Variants in HS6ST1 observed in about 807,000 individuals in gnomAD.
HS6ST1 encodes heparan-sulfate 6-O-sulfotransferase 1.
In HS6ST1, 3 loss-of-function variants were observed where a neutral mutation model predicts 25.2. The ratio of observed to expected loss-of-function variants is 0.12; its 90% CI spans 0.05 to 0.31. The LOEUF (loss-of-function observed/expected upper bound fraction) is 0.31. HS6ST1 is among the 10% of genes least tolerant of loss of function. The pLI is 1.00. For synonymous variants in HS6ST1, 204 were observed against 275.1 expected (o/e 0.74, Z 2.56); for missense variants, 310 against 609.6 (o/e 0.51, Z 5.18).
rs377275466 is a variant in HS6ST1, at chr2:128,269,393, T to C, written c.528-523A>G. Among the ~76,000 whole-genome samples the C allele has an allele frequency of 1.2e-4, 18 of 151,964 alleles. No individual in the cohort carries two copies. The East Asian group carries it at 1.8e-3, about 15-fold the overall frequency. On this transcript the variant is annotated intron_variant, in intron 1 of 1. Transcript: ENST00000259241. ...CAGCCCAGGACCCCAGAGGAAGCCA[T>C]GACGTATACACCAACTCTACTTGCT...
chr2:128,268,498 C>T lies in HS6ST1; in HGVS notation c.900G>A (p.Thr300=), dbSNP rs1214320057. The T allele has an allele frequency of 1.2e-5, 19 of 1,611,216 alleles. 1 individual carries two copies. Among genetic ancestry groups the T allele is most frequent in the South Asian group, 4.4e-5 (4 of 90,842 alleles). ...FFGLTEFQRK[T]QYLFERTFNL... ...TGAACGTCCGCTCGAACAGGTACTG[C>T]GTCTTGCGCTGGAACTCGGTCAGGC... The change falls in exon 2 of 2, where the codon ACG becomes ACA. Residue 300 remains threonine (T), a synonymous_variant. Coordinates refer to ENST00000259241, the MANE Select transcript of HS6ST1 (RefSeq NM_004807.3).
chr2:128,287,882 G>A (rs1434008741), intron 1 of HS6ST1, among the ~76,000 whole-genome samples: 5 of 152,234 alleles, frequency 3.3e-5, no homozygotes, highest in East Asian at 1.9e-4. Context: ...AGGGCCCTGC[G>A]GGGCTGCTCG....
intron 1 of HS6ST1, 107 bp downstream of exon 1, chr2:128,317,930 G>T: frequency 7.7e-7 from 1 of 1,290,632 alleles, no homozygotes; most frequent in Non-Finnish European, 9.9e-7. Flanking sequence ...CCCCCAAGAG[G>T]GCAGAAGGGG....
Position 128,277,113 on chromosome 2 carries a change from A to G in HS6ST1, c.528-8243T>C, listed in dbSNP as rs957533415. On this transcript the variant is annotated intron_variant, in intron 1 of 1. Coordinates refer to ENST00000259241, the MANE Select transcript of HS6ST1 (RefSeq NM_004807.3). ...GCTGGTGGTTGGTTCACCGTCCAGG[A>G]GTAGGAGTGCCTTGGGGATGCAAAC... is the stretch of plus-strand genomic sequence containing the variant. Among the ~76,000 whole-genome samples the G allele has an allele frequency of 4.6e-5, 7 of 152,282 alleles. No individual in the cohort carries two copies. The East Asian group carries it at 1.4e-3, about 29-fold the overall frequency.
intron 1 of HS6ST1, among the ~76,000 whole-genome samples, chr2:128,292,961 ACTC>A (rs1453668983): frequency 3.9e-5 from 6 of 151,952 alleles, no homozygotes; most frequent in African/African-American, 1.5e-4. Context: ...CTCTGTTGCC[ACTC>A]CTACTGCAAA....
intron 1 of HS6ST1, among the ~76,000 whole-genome samples, chr2:128,285,697 G>A (rs1460551352): frequency 6.6e-6 from 1 of 152,178 alleles, no homozygotes; most frequent in African/African-American, 2.4e-5. Flanking sequence ...TCCTGCCTGG[G>A]GGTCCATACA....
At chr2:128,283,007 T>G (rs1693810078) in intron 1 of HS6ST1, among the ~76,000 whole-genome samples, 1 of 152,140 alleles carries the variant, frequency 6.6e-6, no homozygotes, top group Non-Finnish European at 1.5e-5. Flanking sequence ...CATCTCCACT[T>G]TGACTCACTC....
At chr2:128,271,529 T>C (rs1191533780) in intron 1 of HS6ST1, among the ~76,000 whole-genome samples, 1 of 152,050 alleles carries the variant, frequency 6.6e-6, no homozygotes, top group Non-Finnish European at 1.5e-5. Flanking sequence ...GCTCTGGGGG[T>C]GCAGAACACG....
rs372188230 is a variant in HS6ST1, at chr2:128,269,360, G to A, written c.528-490C>T. Among the ~76,000 whole-genome samples, 1,399 of 152,186 alleles carry A rather than the reference G, an allele frequency of 9.2e-3. 21 individuals are homozygous for A. The highest frequency in any genetic ancestry group is 0.03 in the African/African-American group (1,253 of 41,494). ...GGTGGTTGGGGGGGGGGTGCCCAGC[G>A]GACCAGCCAGCCCAGGACCCCAGAG... On this transcript the variant is annotated intron_variant, in intron 1 of 1. Coordinates refer to ENST00000259241, the MANE Select transcript of HS6ST1 (RefSeq NM_004807.3).
chr2:128,267,894 CACA>C lies in HS6ST1; in HGVS notation c.*265_*267del. 1 of 553,026 alleles carries C rather than the reference CACA, an allele frequency of 1.8e-6. No individual in the cohort carries two copies. Among genetic ancestry groups the C allele is most frequent in the South Asian group, 2.2e-5 (1 of 45,934 alleles). 34.3% of individuals were successfully genotyped at this position (553,026 alleles called of 1,614,324 possible). On this transcript the variant is annotated 3_prime_UTR_variant, in exon 2 of 2. Coordinates refer to ENST00000259241, the MANE Select transcript of HS6ST1 (RefSeq NM_004807.3). ...AGGAGGCCAGGAGAGCAGCTCCAGG[CACA>C]ACACCTGCTCTGGAGGCCCTGCCCT...
chr2:128,269,841 G>A lies in HS6ST1; in HGVS notation c.528-971C>T, dbSNP rs559238864. On this transcript the variant is annotated intron_variant, in intron 1 of 1. Transcript: ENST00000259241. ...ACCCCCCGCCAGGATTCCCCAGATGGCAACATGGAAGTGTACCCACACTGC... is the reference window on the plus strand; with the variant it reads ...ACCCCCCGCCAGGATTCCCCAGATGACAACATGGAAGTGTACCCACACTGC... Among the ~76,000 whole-genome samples the A allele has an allele frequency of 8.0e-4, 122 of 152,320 alleles. 1 individual carries two copies. The highest frequency in any genetic ancestry group is 1.5e-3 in the Non-Finnish European group (102 of 68,010).
chr2:128,301,523 G>T (rs1225011763), intron 1 of HS6ST1, among the ~76,000 whole-genome samples: 3 of 152,180 alleles, frequency 2.0e-5, no homozygotes, highest in African/African-American at 4.8e-5. Context: ...GGGACCAGTG[G>T]GAAGGAATTT....
chr2:128,279,551 T>A (rs1693747780), intron 1 of HS6ST1, among the ~76,000 whole-genome samples: 1 of 151,918 alleles, frequency 6.6e-6, no homozygotes, highest in Admixed American at 6.6e-5. Flanking sequence ...TGTGCTTTGA[T>A]CTCCCAGGGA....
rs1227327752 is a variant in HS6ST1, at chr2:128,284,504, C to CTTTTTTTTTTTTCT, written c.528-15635_528-15634insAGAAAAAAAAAAAA. Among the ~76,000 whole-genome samples the CTTTTTTTTTTTTCT allele has an allele frequency of 5.9e-4, 56 of 94,854 alleles. 3 individuals carry two copies. Among genetic ancestry groups the CTTTTTTTTTTTTCT allele is most frequent in the East Asian group, 9.8e-4 (4 of 4,064 alleles). The allele number at this position is 94,854 out of a possible 152,430, so 62.2% of individuals were successfully genotyped here. A position where few individuals can be genotyped will look rare whatever the true frequency, so the allele number is the denominator to read the frequency against. On this transcript the variant is annotated intron_variant, in intron 1 of 1. Transcript: ENST00000259241. ...ATACTGTGGAGGTGACATCGTCCCT[C>CTTTTTTTTTTTTCT]TTTTTTTTTTTTTTTGAGACGGAGT...
Position 128,269,048 on chromosome 2 carries a change from T to C in HS6ST1, c.528-178A>G, listed in dbSNP as rs77283666. On this transcript the variant is annotated intron_variant, in intron 1 of 1. Transcript: ENST00000259241. ...CCGGTATCAGAGATGCCAAGGAGCA[T>C]GCCACGGTCACATGGCTACCCAGGA... is the stretch of plus-strand genomic sequence containing the variant. 0.032 allele frequency among the ~76,000 whole-genome samples: 4,930 copies of C among 152,332 alleles called. 240 individuals are homozygous for C. Among genetic ancestry groups the C allele is most frequent in the African/African-American group, 0.11 (4,691 of 41,582 alleles).
chr2:128,316,989 G>A (rs1269204748), intron 1 of HS6ST1, among the ~76,000 whole-genome samples: 3 of 152,158 alleles, frequency 2.0e-5, no homozygotes, highest in African/African-American at 7.2e-5. Context: ...TGCAAATTCA[G>A]TCCTAAGGCA....
chr2:128,306,204 C>A lies in HS6ST1; in HGVS notation c.527+11833G>T, dbSNP rs145911045. On this transcript the variant is annotated intron_variant, in intron 1 of 1. Coordinates refer to ENST00000259241, the MANE Select transcript of HS6ST1 (RefSeq NM_004807.3). ...ACAGGAATGCCCTCCTTTGTGCCTCCGCTCCTCAGCAGGGCTAGCACGCTG... is the reference window on the plus strand; with the variant it reads ...ACAGGAATGCCCTCCTTTGTGCCTCAGCTCCTCAGCAGGGCTAGCACGCTG... Among the ~76,000 whole-genome samples, 4 of 152,328 alleles carry A rather than the reference C, an allele frequency of 2.6e-5. No individual in the cohort carries two copies. In the East Asian group the frequency reaches 7.7e-4, roughly 29 times the overall value.
chr2:128,310,118 T>C (rs1287272178), intron 1 of HS6ST1, among the ~76,000 whole-genome samples: 2 of 152,216 alleles, frequency 1.3e-5, no homozygotes, highest in East Asian at 1.9e-4. Context: ...CCTCTCTTCC[T>C]TGGACTCCCA....
At chr2:128,282,484 G>A (rs1160800762) in intron 1 of HS6ST1, among the ~76,000 whole-genome samples, 2 of 152,210 alleles carry the variant, frequency 1.3e-5, no homozygotes, top group Non-Finnish European at 2.9e-5. Context: ...AAAACGCTGC[G>A]GGTGCAGAGC....
Sources: allele counts gnomAD v4.1 joint callset (sites outside exome capture counted in the v4.1 genomes callset), GRCh38; gene constraint gnomAD v4.1.1; transcripts MANE v1.5; gene names NCBI Gene and HGNC (gene_info 2026-07-23, HGNC 2026-07-21).